The following ARFIP1 variants were observed in gnomAD, a reference collection of about 807,000 sequenced individuals.
ARFIP1 encodes arfaptin-1.
ARFIP1 carries 24 observed loss-of-function variants against 42.5 expected under a neutral mutation model. That is an observed-to-expected ratio of 0.57 (90% CI 0.41 to 0.80). ARFIP1 has a LOEUF of 0.80. ARFIP1 is among the 30% of genes least tolerant of loss of function. ARFIP1 has a pLI of 0.00. For missense variants in ARFIP1, 354 were observed against 434.0 expected, an observed-to-expected ratio of 0.82 and a Z score of 1.64; for synonymous variants, 141 against 153.7, an observed-to-expected ratio of 0.92 and a Z score of 0.61.
At chr4:152,796,234 C>T (rs1228315661) in intron 1 of ARFIP1, 19 of 931,822 alleles carry the variant, frequency 2.0e-5, no homozygotes, top group South Asian at 2.8e-5. Flanking sequence ...GCGGGAATGA[C>T]GGATTCTTCT....
At chr4:152,880,898 A>G in intron 5 of ARFIP1, 65 bp from the exon 6 acceptor site, 1 of 1,313,908 alleles carries the variant, frequency 7.6e-7, no homozygotes. Flanking sequence ...TGTATGCCAT[A>G]TGCTCTAGCA....
At chr4:152,878,570 T>G (rs1735560213) in intron 5 of ARFIP1, among the ~76,000 whole-genome samples, 1 of 152,194 alleles carries the variant, frequency 6.6e-6, no homozygotes, top group Admixed American at 6.5e-5. Context: ...TTTATCAGAT[T>G]GGAATATATG....
Position 152,815,081 on chromosome 4 carries a change from C to G in ARFIP1, c.-9-14544C>G, listed in dbSNP as rs201119859. On this transcript the variant is annotated intron_variant, in intron 1 of 8. Coordinates refer to ENST00000353617, the MANE Select transcript of ARFIP1 (RefSeq NM_001025595.3). Reference sequence around the variant, plus strand: ...CTGTTATGTTTCTCCTTCTACCTTACATGCCATTCTTTATGAGTTTTTTCT... The same window carrying G: ...CTGTTATGTTTCTCCTTCTACCTTAGATGCCATTCTTTATGAGTTTTTTCT... Among the ~76,000 whole-genome samples the G allele has an allele frequency of 3.9e-5, 6 of 152,318 alleles. No homozygotes were observed. The East Asian group carries it at 1.2e-3, about 29-fold the overall frequency.
At position 152,910,274 on chromosome 4, in the gene ARFIP1, A is replaced by C. The variant is rs1313249443; in HGVS notation, c.*55A>C. ...CGTTGTTATATTTCTAAACCAACCT[A>C]ACAAGAATTAAGCAGAGTTGGGGGA... On this transcript the variant is annotated 3_prime_UTR_variant, in exon 9 of 9. Coordinates refer to ENST00000353617, the MANE Select transcript of ARFIP1 (RefSeq NM_001025595.3). The C allele has an allele frequency of 1.9e-6, 3 of 1,571,992 alleles. No individual in the cohort carries two copies. Among genetic ancestry groups the C allele is most frequent in the Non-Finnish European group, 2.6e-6 (3 of 1,154,284 alleles).
At position 152,888,198 on chromosome 4, in the gene ARFIP1, C is replaced by T. The variant is rs761197917; in HGVS notation, c.857C>T (p.Thr286Ile). ...AATCTTGGACCACGTGACGCAAACA[C>T]TCTGCCAAAGATTGAGCAGTCACAG... is the stretch of plus-strand genomic sequence containing the variant. ...ELNLGPRDAN[T>I]LPKIEQSQHL... Residue 286 changes from threonine (T) to isoleucine (I), a missense_variant, in exon 8 of 9, where the codon ACT (threonine) becomes ATT (isoleucine). By Grantham distance (89) the Thr-to-Ile change is moderately conservative. Coordinates refer to ENST00000353617, the MANE Select transcript of ARFIP1 (RefSeq NM_001025595.3). The T allele has an allele frequency of 5.0e-6, 8 of 1,612,064 alleles. No homozygotes were observed. The highest frequency in any genetic ancestry group is 8.5e-7 in the Non-Finnish European group (1 of 1,179,050).
intron 1 of ARFIP1, among the ~76,000 whole-genome samples, chr4:152,785,969 C>T (rs576714157): frequency 4.6e-5 from 7 of 152,234 alleles, no homozygotes; most frequent in South Asian, 4.1e-4. Context: ...CTTTAAAATG[C>T]GACATGATAT....
At chr4:152,889,525 ATATATATATACACC>A (rs1451695156) in intron 8 of ARFIP1, among the ~76,000 whole-genome samples, 1 of 89,356 alleles carries the variant, frequency 1.1e-5, no homozygotes, top group African/African-American at 3.9e-5. Context: ...ATATATATAT[ATATATATATACACC>A]TATTTTTGTG....
intron 1 of ARFIP1, among the ~76,000 whole-genome samples, chr4:152,787,117 T>G (rs776286599): frequency 2.6e-5 from 4 of 152,232 alleles, no homozygotes; most frequent in Non-Finnish European, 4.4e-5. Context: ...TGGCTCATTT[T>G]TGAATCCCTA....
At chr4:152,901,052 A>G (rs371026206) in intron 8 of ARFIP1, among the ~76,000 whole-genome samples, 139 of 152,374 alleles carry the variant, frequency 9.1e-4, no homozygotes, top group East Asian at 6.4e-3. Flanking sequence ...AAAACCTGCA[A>G]TTACTTTTGC....
chr4:152,800,177 T>C (rs1320898374), intron 1 of ARFIP1, among the ~76,000 whole-genome samples: 1 of 152,218 alleles, frequency 6.6e-6, no homozygotes, highest in East Asian at 1.9e-4. Context: ...AGGAATATTT[T>C]ATGACTTTAA....
At chr4:152,843,720 T>TCATGTGCCAC (rs1732299039) in intron 2 of ARFIP1, among the ~76,000 whole-genome samples, 1 of 152,120 alleles carries the variant, frequency 6.6e-6, no homozygotes, top group African/African-American at 2.4e-5. Flanking sequence ...GTCACAGGCC[T>TCATGTGCCAC]CACGCAGCTC....
intron 1 of ARFIP1, among the ~76,000 whole-genome samples, chr4:152,800,939 C>T (rs1271139146): frequency 6.6e-6 from 1 of 152,036 alleles, no homozygotes; most frequent in East Asian, 1.9e-4. Flanking sequence ...ACAATTTGAA[C>T]TACTTGAACA....
chr4:152,857,846 T>A (rs1189939436), intron 2 of ARFIP1, among the ~76,000 whole-genome samples: 3 of 152,224 alleles, frequency 2.0e-5, no homozygotes, highest in Non-Finnish European at 4.4e-5. Context: ...TTGTTTACTA[T>A]CAATCTCCTC....
At chr4:152,786,520 A>G (rs530406009) in intron 1 of ARFIP1, among the ~76,000 whole-genome samples, 30 of 152,068 alleles carry the variant, frequency 2.0e-4, no homozygotes, top group Non-Finnish European at 4.0e-4. Context: ...GAATTTTTCT[A>G]TTTCTTCCTG....
At chr4:152,824,244 C>A (rs1378366090) in intron 1 of ARFIP1, among the ~76,000 whole-genome samples, 3 of 150,886 alleles carry the variant, frequency 2.0e-5, no homozygotes, top group African/African-American at 4.9e-5. Context: ...ACCCAGGAGG[C>A]AGAGGTTGCA....
intron 7 of ARFIP1, among the ~76,000 whole-genome samples, chr4:152,883,777 A>G (rs1227008726): frequency 6.6e-6 from 1 of 151,422 alleles, no homozygotes; most frequent in African/African-American, 2.4e-5. Context: ...TCCAGGCCCA[A>G]TTTTTTCCCC....
At chr4:152,901,490 G>A (rs1199587796) in intron 8 of ARFIP1, among the ~76,000 whole-genome samples, 1 of 152,192 alleles carries the variant, frequency 6.6e-6, no homozygotes, top group East Asian at 1.9e-4. Flanking sequence ...AACAGATGTT[G>A]CCGTAGTGGT....
intron 1 of ARFIP1, among the ~76,000 whole-genome samples, chr4:152,816,303 C>T (rs1453949838): frequency 1.3e-5 from 2 of 152,176 alleles, no homozygotes; most frequent in African/African-American, 4.8e-5. Context: ...TTTTTGAAGT[C>T]ACACACGTTC....
chr4:152,826,480 G>A (rs1237925745), intron 1 of ARFIP1, among the ~76,000 whole-genome samples: 1 of 152,054 alleles, frequency 6.6e-6, no homozygotes, highest in African/African-American at 2.4e-5. Context: ...AAGAGGGGAG[G>A]GTGCTGGGGA....
Sources: gnomAD v4.1 joint callset for allele counts (sites outside exome capture counted in the v4.1 genomes callset) on GRCh38, gnomAD v4.1.1 for gene constraint, MANE v1.5 for transcripts, NCBI Gene and HGNC (gene_info 2026-07-23, HGNC 2026-07-21) for gene names.